Variants in SFMBT2 observed in about 807,000 individuals in gnomAD.
The protein encoded by SFMBT2 is scm-like with four MBT domains protein 2.
In SFMBT2, 38 loss-of-function variants were observed where a neutral mutation model predicts 110.1. The ratio of observed to expected loss-of-function variants is 0.35; its 90% CI spans 0.27 to 0.45. SFMBT2 has a LOEUF of 0.45. Ranked by LOEUF, SFMBT2 falls within the 20% of genes least tolerant of loss-of-function variation. The pLI is 1.00. For synonymous variants in SFMBT2, 425 were observed against 425.4 expected (o/e 1.00, Z 0.01); for missense variants, 1,011 against 1,094.9 (o/e 0.92, Z 1.08).
intron 12 of SFMBT2, chr10:7,204,648 C>T (rs575962350): frequency 5.0e-4 from 156 of 311,134 alleles, no homozygotes; most frequent in African/African-American, 2.4e-3. Flanking sequence ...CCAAGGCAGG[C>T]GGATCACTTG....
At chr10:7,263,244 T>C (rs1841270465) in intron 7 of SFMBT2, among the ~76,000 whole-genome samples, 1 of 151,924 alleles carries the variant, frequency 6.6e-6, no homozygotes, top group African/African-American at 2.4e-5. Flanking sequence ...TTTCTTTTCT[T>C]TTCTTTTCTT....
chr10:7,229,158 T>G (rs1840035731), intron 9 of SFMBT2, among the ~76,000 whole-genome samples: 1 of 152,246 alleles, frequency 6.6e-6, no homozygotes, highest in African/African-American at 2.4e-5. Context: ...TTCTTATGTT[T>G]TTTTATCCAA....
At chr10:7,384,126 G>A (rs1304387039) in intron 1 of SFMBT2, among the ~76,000 whole-genome samples, 4 of 139,168 alleles carry the variant, frequency 2.9e-5, no homozygotes, top group South Asian at 2.3e-4. Flanking sequence ...CAGGAGAATC[G>A]CTTGAACCCG....
chr10:7,348,206 G>C (rs1368578600), intron 4 of SFMBT2: 2 of 1,197,214 alleles, frequency 1.7e-6, no homozygotes, highest in Admixed American at 3.2e-5. Flanking sequence ...TTATGTTTGA[G>C]GGTGGTGGGA....
intron 4 of SFMBT2, among the ~76,000 whole-genome samples, chr10:7,344,139 A>G (rs1487030709): frequency 6.6e-6 from 1 of 152,194 alleles, no homozygotes; most frequent in Non-Finnish European, 1.5e-5. Context: ...TCCTAGGGGA[A>G]GAGAGGAAAT....
At chr10:7,404,046 G>A (rs1175592186) in intron 1 of SFMBT2, among the ~76,000 whole-genome samples, 1 of 152,174 alleles carries the variant, frequency 6.6e-6, no homozygotes, top group South Asian at 2.1e-4. Flanking sequence ...CTGTATGCTT[G>A]TATCGAAATA....
At chr10:7,345,839 T>C (rs1269534587) in intron 4 of SFMBT2, among the ~76,000 whole-genome samples, 1 of 152,168 alleles carries the variant, frequency 6.6e-6, no homozygotes, top group African/African-American at 2.4e-5. Context: ...TAAATGGCAT[T>C]CACCCTTCCT....
chr10:7,371,920 A>ATTTTTTTTTTTTTTTTTTTT (rs762872004), intron 2 of SFMBT2, among the ~76,000 whole-genome samples: 1 of 77,734 alleles, frequency 1.3e-5, no homozygotes, highest in African/African-American at 5.2e-5. Flanking sequence ...TCCACCTGTA[A>ATTTTTTTTTTTTTTTTTTTT]TTTTTTTTTT....
At chr10:7,194,408 C>G (rs1006102424) in intron 15 of SFMBT2, among the ~76,000 whole-genome samples, 1 of 152,198 alleles carries the variant, frequency 6.6e-6, no homozygotes. Context: ...GACTCTGCAG[C>G]CTGCACTGAG....
intron 2 of SFMBT2, among the ~76,000 whole-genome samples, chr10:7,373,326 G>A (rs150562381): frequency 0.016 from 2,486 of 152,266 alleles, 65 homozygotes; most frequent in African/African-American, 0.055. Flanking sequence ...GCAGCTGCCC[G>A]TCATAGACTT....
intron 7 of SFMBT2, 137 bp from the exon 8 acceptor site, chr10:7,248,786 T>A: frequency 1.4e-6 from 1 of 717,090 alleles, no homozygotes; most frequent in Non-Finnish European, 2.3e-6. Context: ...GTTTCGAATT[T>A]CTAATTATTG....
At position 7,367,465 on chromosome 10, in the gene SFMBT2, A is replaced by G. The variant is rs114592868; in HGVS notation, c.436+184T>C. Among the ~76,000 whole-genome samples the G allele has an allele frequency of 5.9e-3, 897 of 152,330 alleles. 13 individuals are homozygous for G. Among genetic ancestry groups the G allele is most frequent in the African/African-American group, 0.02 (835 of 41,568 alleles). ...CTCCATTGTCAGCACCAGCTCTGAC[A>G]TCTGAAAATGCACTGATCTCCCTCC... is the stretch of plus-strand genomic sequence containing the variant. On this transcript the variant is annotated intron_variant, in intron 4 of 20. Transcript: ENST00000397167. The surrounding 1 kb of genome is among the most constrained non-coding windows in gnomAD (Gnocchi z 6.2).
At chr10:7,186,459 C>CACACATATATAT (rs748644225) in intron 16 of SFMBT2, among the ~76,000 whole-genome samples, 7 of 126,896 alleles carry the variant, frequency 5.5e-5, no homozygotes, top group Non-Finnish European at 8.5e-5. Flanking sequence ...CACACACACA[C>CACACATATATAT]ATATATATAT....
At chr10:7,178,227 C>T (rs1473496717) in intron 16 of SFMBT2, among the ~76,000 whole-genome samples, 1 of 152,086 alleles carries the variant, frequency 6.6e-6, no homozygotes, top group East Asian at 1.9e-4. Context: ...CCTGCTTGTA[C>T]CTTTCCTTCT....
chr10:7,316,629 C>CCT (rs1234938948), intron 4 of SFMBT2, among the ~76,000 whole-genome samples: 2 of 152,174 alleles, frequency 1.3e-5, no homozygotes, highest in Admixed American at 1.3e-4. Flanking sequence ...TCACTCAAGC[C>CCT]CTCTGTTCAG....
At chr10:7,373,811 G>A (rs1030790335) in intron 2 of SFMBT2, among the ~76,000 whole-genome samples, 5 of 152,146 alleles carry the variant, frequency 3.3e-5, no homozygotes, top group Non-Finnish European at 7.3e-5. Context: ...CCCAGAACCT[G>A]CGTGTGAGGA....
At chr10:7,251,624 A>C (rs1840814279) in intron 7 of SFMBT2, among the ~76,000 whole-genome samples, 1 of 152,232 alleles carries the variant, frequency 6.6e-6, no homozygotes, top group Non-Finnish European at 1.5e-5. Context: ...TAGAATTATG[A>C]AATAATAAAG....
intron 10 of SFMBT2, 37 bp from the exon 11 acceptor site, chr10:7,220,574 G>A: frequency 6.2e-7 from 1 of 1,612,378 alleles, no homozygotes; most frequent in Non-Finnish European, 8.5e-7. Context: ...AGCCAGTGCT[G>A]ACGCAGCAGG....
intron 1 of SFMBT2, among the ~76,000 whole-genome samples, chr10:7,401,021 T>C (rs1588512771): frequency 6.6e-6 from 1 of 151,920 alleles, no homozygotes; most frequent in East Asian, 1.9e-4. Context: ...TAATCCCAGC[T>C]ACTTGGGAGG....
Sources: gnomAD v4.1 joint callset for allele counts (sites outside exome capture counted in the v4.1 genomes callset) on GRCh38, gnomAD v4.1.1 for gene constraint, Gnocchi (gnomAD v3.1) non-coding constraint, MANE v1.5 for transcripts, NCBI Gene and HGNC (gene_info 2026-07-23, HGNC 2026-07-21) for gene names.